IL1RAPL1: variants seen among roughly 807,000 people sequenced by gnomAD.
IL1RAPL1 encodes the protein interleukin 1 receptor accessory protein like 1, also known as interleukin-1 receptor accessory protein-like 1.
In IL1RAPL1, 3 loss-of-function variants were observed where a neutral mutation model predicts 48.4. That is an observed-to-expected ratio of 0.06 (90% CI 0.03 to 0.16). The LOEUF is 0.16. Among genes scored for constraint, IL1RAPL1 ranks in the 10% least tolerant of loss-of-function variants. The probability of loss-of-function intolerance (pLI) is 1.00; values close to 1 mark genes in which losing one functional copy is unlikely to be tolerated. For missense variants in IL1RAPL1, 349 were observed against 530.6 expected, an observed-to-expected ratio of 0.66 and a Z score of 3.36; for synonymous variants, 185 against 187.7, an observed-to-expected ratio of 0.99 and a Z score of 0.12.
intron 1 of IL1RAPL1, among the ~76,000 whole-genome samples, chrX:28,670,628 A>G (rs949686076): frequency 8.9e-6 from 1 of 112,065 alleles, no homozygotes; most frequent in Admixed American, 9.5e-5. Context: ...TAAGTAAGTC[A>G]CTTAAACTCT....
chrX:29,005,834 T>C (rs975128479), intron 2 of IL1RAPL1, among the ~76,000 whole-genome samples: 2 of 112,169 alleles, frequency 1.8e-5, no homozygotes, highest in African/African-American at 6.5e-5. Flanking sequence ...AAAATATTCA[T>C]GTGTCTTGAC....
chrX:29,744,312 A>G (rs1928278191), intron 6 of IL1RAPL1, among the ~76,000 whole-genome samples: 1 of 111,971 alleles, frequency 8.9e-6, no homozygotes, highest in South Asian at 3.7e-4. Flanking sequence ...AATAATTTGC[A>G]TCCATTCTAG....
At chrX:28,608,814 C>G in intron 1 of IL1RAPL1, among the ~76,000 whole-genome samples, 1 of 110,969 alleles carries the variant, frequency 9.0e-6, no homozygotes, top group South Asian at 3.8e-4. Context: ...GTTTTAAGAC[C>G]AAAATTTAAA....
intron 5 of IL1RAPL1, among the ~76,000 whole-genome samples, chrX:29,514,828 A>G (rs753846983): frequency 1.8e-5 from 2 of 112,852 alleles, no homozygotes; most frequent in East Asian, 5.5e-4. Context: ...AAAAAAATCA[A>G]AGTTCCTGTC....
At chrX:29,122,071 T>A (rs1469022890) in intron 2 of IL1RAPL1, among the ~76,000 whole-genome samples, 1 of 111,327 alleles carries the variant, frequency 9.0e-6, no homozygotes, top group African/African-American at 3.3e-5. Context: ...ATACTCTTAT[T>A]CAACAAGCAA....
At chrX:29,650,459 A>G (rs1314345438) in intron 5 of IL1RAPL1, among the ~76,000 whole-genome samples, 2 of 109,926 alleles carry the variant, frequency 1.8e-5, no homozygotes, top group African/African-American at 6.7e-5. Context: ...GCCCAGAAAT[A>G]AATCTACACA....
At chrX:29,862,508 A>G (rs1033887498) in intron 6 of IL1RAPL1, among the ~76,000 whole-genome samples, 1 of 111,647 alleles carries the variant, frequency 9.0e-6, no homozygotes, top group African/African-American at 3.3e-5. Context: ...TTTACTAGCT[A>G]TCCAAAGCAC....
At chrX:28,590,244 A>T (rs1174132794) in intron 1 of IL1RAPL1, among the ~76,000 whole-genome samples, 1 of 111,515 alleles carries the variant, frequency 9.0e-6, no homozygotes, top group Non-Finnish European at 1.9e-5. Context: ...GAATCACCTT[A>T]TTATCTAGTT....
At chrX:29,497,955 G>T (rs1935231316) in intron 5 of IL1RAPL1, among the ~76,000 whole-genome samples, 1 of 111,157 alleles carries the variant, frequency 9.0e-6, no homozygotes, top group Non-Finnish European at 1.9e-5. Context: ...ATTCTGCCAT[G>T]GGCCTTCTCA....
intron 2 of IL1RAPL1, among the ~76,000 whole-genome samples, chrX:29,089,256 A>G (rs1928026188): frequency 9.0e-6 from 1 of 111,344 alleles, no homozygotes; most frequent in Non-Finnish European, 1.9e-5. Flanking sequence ...GATATGATTG[A>G]TGAATAAAAA....
At chrX:29,038,852 T>C (rs1312008207) in intron 2 of IL1RAPL1, among the ~76,000 whole-genome samples, 1 of 111,702 alleles carries the variant, frequency 9.0e-6, no homozygotes, top group Non-Finnish European at 1.9e-5. Context: ...TCTAATTCTT[T>C]CTTAAAAAAA....
At chrX:28,910,915 C>T (rs1459667783) in intron 2 of IL1RAPL1, among the ~76,000 whole-genome samples, 1 of 110,987 alleles carries the variant, frequency 9.0e-6, no homozygotes, top group Non-Finnish European at 1.9e-5. Context: ...AAAAATGTCT[C>T]CCTCAAAGCA....
chrX:28,588,204 ATATG>A (rs1429387038), intron 1 of IL1RAPL1, among the ~76,000 whole-genome samples, 157 bp downstream of exon 1: 7 of 36,226 alleles, frequency 1.9e-4, no homozygotes, highest in African/African-American at 8.3e-4. Context: ...GGGTGTGTTG[ATATG>A]TGTGTGTGTG....
chrX:29,457,612 C>T (rs1934754659), intron 5 of IL1RAPL1, among the ~76,000 whole-genome samples: 1 of 112,111 alleles, frequency 8.9e-6, no homozygotes, highest in African/African-American at 3.2e-5. Context: ...GATTCCATGT[C>T]TTTGCTATTG....
At chrX:29,496,866 G>A (rs1935219959) in intron 5 of IL1RAPL1, among the ~76,000 whole-genome samples, 2 of 111,808 alleles carry the variant, frequency 1.8e-5, no homozygotes, top group Non-Finnish European at 3.8e-5. Context: ...AATTTAATCA[G>A]TGAAACAGAC....
intron 2 of IL1RAPL1, among the ~76,000 whole-genome samples, chrX:29,277,502 C>G: frequency 8.9e-6 from 1 of 111,916 alleles, no homozygotes. Flanking sequence ...TAGACACATA[C>G]AAGGAAGAGC....
At chrX:29,217,872 C>T (rs1017406692) in intron 2 of IL1RAPL1, among the ~76,000 whole-genome samples, 2 of 108,308 alleles carry the variant, frequency 1.8e-5, no homozygotes, top group African/African-American at 3.4e-5. Flanking sequence ...ACTTGAAGCC[C>T]GATGTGGCAA....
Position 29,951,171 on chromosome X carries a change from G to A in IL1RAPL1, c.1202-3351G>A, listed in dbSNP as rs1482154584. Among the ~76,000 whole-genome samples, 3 of 111,728 alleles carry A rather than the reference G, an allele frequency of 2.7e-5. No individual in the cohort carries two copies. The East Asian group carries it at 8.4e-4, about 31-fold the overall frequency. On this transcript the variant is annotated intron_variant, in intron 9 of 10. Coordinates refer to ENST00000378993, the MANE Select transcript of IL1RAPL1 (RefSeq NM_014271.4). ...GAGAAAAATCTCAAAATTAGCTATC[G>A]GGTGTGAGTCATGTGATACCAAAAT...
chrX:28,598,890 A>G (rs956870724), intron 1 of IL1RAPL1, among the ~76,000 whole-genome samples: 4 of 108,413 alleles, frequency 3.7e-5, no homozygotes, highest in African/African-American at 1.3e-4. Context: ...GGCCTCCCAA[A>G]GTGCTGGGAT....
Sources: allele counts gnomAD v4.1 joint callset (sites outside exome capture counted in the v4.1 genomes callset), GRCh38; gene constraint gnomAD v4.1.1; transcripts MANE v1.5; gene names NCBI Gene and HGNC (gene_info 2026-07-23, HGNC 2026-07-21).